The following DNAI2 variants were observed in gnomAD, a reference collection of about 807,000 sequenced individuals.
DNAI2 encodes dynein, axonemal, intermediate polypeptide 2.
A neutral mutation model predicts 74.7 loss-of-function variants in DNAI2; 63 were observed. The observed-to-expected ratio is 0.84, with a 90% CI of 0.69 to 1.04. DNAI2 has a LOEUF of 1.04. DNAI2 is among the 50% of genes least tolerant of loss of function. The pLI is 0.00. For synonymous variants in DNAI2, 289 were observed against 314.9 expected (o/e 0.92, Z 0.87); for missense variants, 688 against 803.2 (o/e 0.86, Z 1.73).
intron 4 of DNAI2, among the ~76,000 whole-genome samples, chr17:74,289,264 C>T (rs1003817865): frequency 2.6e-5 from 4 of 152,184 alleles, no homozygotes; most frequent in South Asian, 2.1e-4. Context: ...CTGTGGCTCA[C>T]GCCTATAATC....
At chr17:74,299,965 TGAGATGGAG>T in intron 7 of DNAI2, 108 bp downstream of exon 7, 1 of 1,496,088 alleles carries the variant, frequency 6.7e-7, no homozygotes. Context: ...CATTTTATTT[TGAGATGGAG>T]TTTCACTCTT....
intron 6 of DNAI2, among the ~76,000 whole-genome samples, chr17:74,293,356 A>G (rs2052242729): frequency 6.6e-6 from 1 of 152,172 alleles, no homozygotes; most frequent in Non-Finnish European, 1.5e-5. Flanking sequence ...GCACATGCTT[A>G]TAATTGTTAA....
chr17:74,314,062 G>A, intron 12 of DNAI2, 59 bp from the exon 13 acceptor site: 1 of 1,612,224 alleles, frequency 6.2e-7, no homozygotes, highest in Non-Finnish European at 8.5e-7. Context: ...CATCCCAGGG[G>A]AGTGGGGAAG....
At chr17:74,281,637 T>C (rs1371002170) in intron 1 of DNAI2, 170 bp from the exon 2 acceptor site, 2 of 618,662 alleles carry the variant, frequency 3.2e-6, no homozygotes, top group Admixed American at 2.8e-5. Context: ...GCACTCAGGA[T>C]TTTTTTTTAA....
rs748786040 is a variant in DNAI2, at chr17:74,305,123, G to A, written c.988-96G>A. The A allele has an allele frequency of 2.0e-5, 26 of 1,297,316 alleles. No homozygotes were observed. The East Asian group carries it at 3.2e-4, about 16-fold the overall frequency. The allele number at this position is 1,297,316 out of a possible 1,614,324, so 80.4% of individuals were successfully genotyped here. ...GGCTTGATCTGAGGGCCTTTCTAGCGCCTGCAGACCCCCCAAGCAAGCTCC... is the reference window on the plus strand; with the variant it reads ...GGCTTGATCTGAGGGCCTTTCTAGCACCTGCAGACCCCCCAAGCAAGCTCC... On this transcript the variant is annotated intron_variant, in intron 8 of 13. Transcript: ENST00000311014.
At chr17:74,296,316 A>AGAGAGAGAGAGAGAGAGAG (rs1357716786) in intron 6 of DNAI2, among the ~76,000 whole-genome samples, 1,761 of 96,492 alleles carry the variant, frequency 0.018, 17 homozygotes, top group Non-Finnish European at 0.028. Flanking sequence ...CTTTAAAGAG[A>AGAGAGAGAGAGAGAGAGAG]GAGAGAGAGA....
chr17:74,281,004 C>G (rs930113716), intron 1 of DNAI2, among the ~76,000 whole-genome samples: 1 of 144,006 alleles, frequency 6.9e-6, no homozygotes, highest in Admixed American at 7.2e-5. Flanking sequence ...GGGAGGATCA[C>G]TTGAGCCCGG....
At chr17:74,304,560 G>A (rs924387410) in intron 8 of DNAI2, among the ~76,000 whole-genome samples, 1 of 152,186 alleles carries the variant, frequency 6.6e-6, no homozygotes, top group Non-Finnish European at 1.5e-5. Context: ...TGGACCAGGA[G>A]TCAGGAGACC....
intron 12 of DNAI2, chr17:74,313,729 A>C: frequency 4.2e-6 from 1 of 239,858 alleles, no homozygotes; most frequent in East Asian, 8.9e-5. Context: ...TGGTGGTCAC[A>C]AAGTACCGCG....
At chr17:74,301,446 A>G (rs955341838) in intron 8 of DNAI2, among the ~76,000 whole-genome samples, 1 of 152,178 alleles carries the variant, frequency 6.6e-6, no homozygotes, top group African/African-American at 2.4e-5. Flanking sequence ...TTGACAGAAC[A>G]ATTCCAGAAA....
At chr17:74,297,283 G>A (rs1215349217) in intron 6 of DNAI2, among the ~76,000 whole-genome samples, 1 of 151,658 alleles carries the variant, frequency 6.6e-6, no homozygotes, top group Admixed American at 6.6e-5. Flanking sequence ...TAGTAGAGAC[G>A]GGGTTTCACT....
chr17:74,314,518 G>T (rs1042429719), intron 13 of DNAI2, 71 bp from the exon 14 acceptor site: 1 of 387,778 alleles, frequency 2.6e-6, no homozygotes, highest in Non-Finnish European at 4.9e-6. Context: ...CTTAGTCCTA[G>T]TCCTGGATGT....
At chr17:74,281,676 A>C (rs766488460) in intron 1 of DNAI2, 131 bp from the exon 2 acceptor site, 12 of 814,952 alleles carry the variant, frequency 1.5e-5, no homozygotes, top group Non-Finnish European at 2.2e-5. Context: ...ACAAATTCCT[A>C]GGATCTCCCC....
rs190930942 is a variant in DNAI2, at chr17:74,282,065, C to T, written c.183+65C>T. On this transcript the variant is annotated intron_variant, in intron 2 of 13. Coordinates refer to ENST00000311014, the MANE Select transcript of DNAI2 (RefSeq NM_023036.6). ...GCCAGGCAGGGCGGCCAGCTGGGGC[C>T]GGTGAGTGGTTCTGTGGGTCCTTGT... 2.1e-3 allele frequency: 3,288 copies of T among 1,589,550 alleles called. 8 individuals carry two copies. The highest frequency in any genetic ancestry group is 2.3e-3 in the Non-Finnish European group (2,699 of 1,161,940).
At chr17:74,285,970 T>TATAGAGAG (rs1292164464) in intron 3 of DNAI2, among the ~76,000 whole-genome samples, 1 of 146,936 alleles carries the variant, frequency 6.8e-6, no homozygotes, top group African/African-American at 2.5e-5. Flanking sequence ...TATATATATA[T>TATAGAGAG]AGAGAGAGAG....
At chr17:74,289,838 C>A in intron 5 of DNAI2, 102 bp downstream of exon 5, 2 of 1,476,164 alleles carry the variant, frequency 1.4e-6, no homozygotes, top group Non-Finnish European at 1.9e-6. Flanking sequence ...GACACTCACG[C>A]GGTTGGTGCC....
chr17:74,283,087 A>G (rs1217094451), intron 2 of DNAI2, among the ~76,000 whole-genome samples: 1 of 151,990 alleles, frequency 6.6e-6, no homozygotes, highest in Non-Finnish European at 1.5e-5. Context: ...AACCTTTCCT[A>G]TGGTGCTGAT....
At position 74,300,422 on chromosome 17, in the gene DNAI2, C is replaced by T. The variant is rs186612640; in HGVS notation, c.864+565C>T. Among the ~76,000 whole-genome samples the T allele has an allele frequency of 7.7e-4, 118 of 152,298 alleles. No homozygotes were observed. Among genetic ancestry groups the T allele is most frequent in the African/African-American group, 2.8e-3 (116 of 41,576 alleles). On this transcript the variant is annotated intron_variant, in intron 7 of 13. Transcript: ENST00000311014. This position sits in a 1 kb window ranked among gnomAD's most constrained non-coding sequence, Gnocchi z 4.5. ...CGTATGCAAGGAAACACACCTCTCT[C>T]TTCTTTACTCTTTCTTTTTGCACAC...
chr17:74,285,968 TATAG>T (rs1256479849), intron 3 of DNAI2, among the ~76,000 whole-genome samples: 24 of 137,176 alleles, frequency 1.7e-4, no homozygotes, highest in East Asian at 1.4e-3. Flanking sequence ...CATATATATA[TATAG>T]AGAGAGAGAG....
Sources: allele counts gnomAD v4.1 joint callset (sites outside exome capture counted in the v4.1 genomes callset), GRCh38; gene constraint gnomAD v4.1.1; non-coding constraint Gnocchi (gnomAD v3.1); transcripts MANE v1.5; gene names NCBI Gene and HGNC (gene_info 2026-07-23, HGNC 2026-07-21).